The following DYNC1I1 variants were observed in gnomAD, a reference collection of about 807,000 sequenced individuals.
DYNC1I1 encodes the protein dynein cytoplasmic 1 intermediate chain 1.
Under a neutral mutation model 86.6 loss-of-function variants are expected in DYNC1I1, and 43 were observed. The observed-to-expected ratio is 0.50, with a 90% CI of 0.39 to 0.64. The LOEUF (loss-of-function observed/expected upper bound fraction) is 0.64, where lower values mean the gene tolerates loss of function less well. Among genes scored for constraint, DYNC1I1 ranks in the 30% least tolerant of loss-of-function variants. The pLI is 0.00. For missense variants in DYNC1I1, 604 were observed against 788.8 expected, an observed-to-expected ratio of 0.77 and a Z score of 2.81; for synonymous variants, 262 against 283.7, an observed-to-expected ratio of 0.92 and a Z score of 0.77.
chr7:95,977,519 G>A lies in DYNC1I1; in HGVS notation c.498G>A (p.Glu166=), dbSNP rs1213272691. ...PLATHQSEED[E]EDEEMVESKV... ...TCTCTTTCTTTTTTCTAGAGGATGA[G>A]GAAGATGAGGAAATGGTGGAATCTA... is the stretch of plus-strand genomic sequence containing the variant. The change falls in exon 7 of 17, where the codon GAG becomes GAA. Residue 166 remains glutamate, a synonymous_variant. Transcript: ENST00000447467. 6 of 1,612,284 alleles carry A rather than the reference G, an allele frequency of 3.7e-6. No individual in the cohort carries two copies. In the African/African-American group the frequency reaches 8.0e-5, roughly 22 times the overall value.
At chr7:95,925,103 A>G (rs1256921422) in intron 6 of DYNC1I1, among the ~76,000 whole-genome samples, 5 of 152,184 alleles carry the variant, frequency 3.3e-5, no homozygotes, top group African/African-American at 4.8e-5. Flanking sequence ...TTGCTTTAGT[A>G]TCTGCTCACC....
chr7:95,849,778 G>T (rs1789529269), intron 5 of DYNC1I1, among the ~76,000 whole-genome samples: 1 of 152,098 alleles, frequency 6.6e-6, no homozygotes, highest in South Asian at 2.1e-4. Context: ...TTTTGATAGA[G>T]ATTACATAGA....
chr7:95,917,764 T>A (rs1209334927), intron 6 of DYNC1I1, among the ~76,000 whole-genome samples: 1 of 152,238 alleles, frequency 6.6e-6, no homozygotes, highest in East Asian at 1.9e-4. Flanking sequence ...TTGTGGGCAC[T>A]GGGCACTCGC....
chr7:95,846,985 C>T (rs1195208993), intron 5 of DYNC1I1, among the ~76,000 whole-genome samples: 1 of 152,146 alleles, frequency 6.6e-6, no homozygotes, highest in Non-Finnish European at 1.5e-5. Flanking sequence ...ACCTTTGGTC[C>T]TGCATTTCTT....
chr7:95,832,333 G>A (rs1162139247), intron 5 of DYNC1I1, among the ~76,000 whole-genome samples: 2 of 151,066 alleles, frequency 1.3e-5, no homozygotes, highest in East Asian at 1.9e-4. Flanking sequence ...ATTCCATGGT[G>A]TATATGTGCC....
chr7:95,919,607 T>C (rs530742375), intron 6 of DYNC1I1, among the ~76,000 whole-genome samples: 3 of 152,240 alleles, frequency 2.0e-5, no homozygotes, highest in Non-Finnish European at 4.4e-5. Context: ...GCAAACATTT[T>C]ATTGTCCACC....
At chr7:95,786,585 G>C (rs1412513592) in intron 1 of DYNC1I1, among the ~76,000 whole-genome samples, 1 of 152,092 alleles carries the variant, frequency 6.6e-6, no homozygotes, top group Admixed American at 6.5e-5. Flanking sequence ...TCATTATACC[G>C]AATTAACATA....
intron 6 of DYNC1I1, among the ~76,000 whole-genome samples, chr7:95,909,000 C>G (rs1791249453): frequency 6.6e-6 from 1 of 151,462 alleles, no homozygotes. Context: ...GCACAGCTCT[C>G]CCAGACAGTG....
intron 5 of DYNC1I1, among the ~76,000 whole-genome samples, chr7:95,839,770 C>A (rs923758401): frequency 3.3e-5 from 5 of 151,900 alleles, no homozygotes; most frequent in Non-Finnish European, 5.9e-5. Context: ...GGTAACCTCT[C>A]TTAGCTTTTG....
At chr7:96,100,257 T>G (rs1270379518), downstream of DYNC1I1, among the ~76,000 whole-genome samples, 1 of 152,204 alleles carries the variant, frequency 6.6e-6, no homozygotes, top group East Asian at 1.9e-4. Context: ...ATGTCAGCAT[T>G]GCTAAAACTT....
intron 10 of DYNC1I1, among the ~76,000 whole-genome samples, chr7:96,006,289 G>A (rs1584245005): frequency 6.6e-6 from 1 of 152,158 alleles, no homozygotes; most frequent in Non-Finnish European, 1.5e-5. Flanking sequence ...AGAGAATCCA[G>A]GCGCTTCATC....
At chr7:95,863,501 G>C (rs1397172210) in intron 5 of DYNC1I1, among the ~76,000 whole-genome samples, 2 of 117,826 alleles carry the variant, frequency 1.7e-5, no homozygotes, top group Non-Finnish European at 4.0e-5. Context: ...CATACTGTGT[G>C]AACTTTATTT....
intron 6 of DYNC1I1, among the ~76,000 whole-genome samples, chr7:95,933,790 A>G (rs1791966974): frequency 6.6e-6 from 1 of 152,118 alleles, no homozygotes; most frequent in Admixed American, 6.6e-5. Flanking sequence ...CCCGCCTTTC[A>G]GTCGCCCTTG....
intron 6 of DYNC1I1, among the ~76,000 whole-genome samples, chr7:95,912,933 ACTC>A (rs1355432886): frequency 1.3e-5 from 2 of 151,908 alleles, no homozygotes; most frequent in African/African-American, 4.8e-5. Context: ...GGAAATAGTT[ACTC>A]CCCCATGCTC....
chr7:95,802,143 T>A (rs1584236374), intron 1 of DYNC1I1, among the ~76,000 whole-genome samples: 2 of 152,124 alleles, frequency 1.3e-5, no homozygotes, highest in Non-Finnish European at 2.9e-5. Flanking sequence ...TATTTGTGCA[T>A]TCTGCCCAGA....
intron 11 of DYNC1I1, among the ~76,000 whole-genome samples, chr7:96,029,525 T>A (rs868433014): frequency 2.6e-5 from 4 of 152,290 alleles, no homozygotes; most frequent in Middle Eastern, 3.4e-3. Flanking sequence ...CCAGGAGCTC[T>A]TCCAAAAAAT....
intron 16 of DYNC1I1, chr7:96,109,830 A>T (rs1791285468): frequency 6.0e-6 from 1 of 166,150 alleles, no homozygotes; most frequent in East Asian, 1.9e-4. Context: ...GTGAAATTTT[A>T]CTTGTACTTA....
chr7:95,842,449 C>G (rs1562917985), intron 5 of DYNC1I1, among the ~76,000 whole-genome samples: 1 of 152,096 alleles, frequency 6.6e-6, no homozygotes, highest in Non-Finnish European at 1.5e-5. Context: ...AGACGTGGGG[C>G]TTTGGGCATT....
intron 5 of DYNC1I1, among the ~76,000 whole-genome samples, chr7:95,828,455 C>A (rs1331160661): frequency 6.6e-6 from 1 of 152,124 alleles, no homozygotes; most frequent in African/African-American, 2.4e-5. Context: ...CATCACCATC[C>A]TCCCCTTTAC....
Sources: allele counts gnomAD v4.1 joint callset (sites outside exome capture counted in the v4.1 genomes callset), GRCh38; gene constraint gnomAD v4.1.1; transcripts MANE v1.5; gene names NCBI Gene and HGNC (gene_info 2026-07-23, HGNC 2026-07-21).